AGBL1: variants seen among roughly 807,000 people sequenced by gnomAD.
AGBL1 encodes the protein cytosolic carboxypeptidase 4.
AGBL1 carries 130 observed loss-of-function variants against 118.9 expected under a neutral mutation model. The observed-to-expected ratio is 1.09, with a 90% confidence interval of 0.95 to 1.26. The LOEUF (loss-of-function observed/expected upper bound fraction) is 1.26, where lower values mean the gene tolerates loss of function less well. AGBL1 is among the 50% of genes most tolerant of loss of function. The pLI, the probability that AGBL1 is intolerant of heterozygous loss-of-function variation, is 0.00. For missense variants in AGBL1, 1,584 were observed against 1,298.1 expected (o/e 1.22, Z -3.38); for synonymous variants, 555 against 478.9 (o/e 1.16, Z -2.08).
intron 5 of AGBL1, among the ~76,000 whole-genome samples, chr15:86,174,084 G>A (rs2077450726): frequency 6.6e-6 from 1 of 152,020 alleles, no homozygotes; most frequent in South Asian, 2.1e-4. Context: ...CAATCCATGA[G>A]CATGGGTGTC....
At chr15:86,817,634 C>CAG (rs2078883168) in intron 22 of AGBL1, among the ~76,000 whole-genome samples, 2 of 146,030 alleles carry the variant, frequency 1.4e-5, no homozygotes, top group Non-Finnish European at 3.0e-5. Flanking sequence ...CATACACACA[C>CAG]ACACACACAC....
chr15:87,003,641 G>T (rs2081465358), intron 24 of AGBL1, among the ~76,000 whole-genome samples: 1 of 152,040 alleles, frequency 6.6e-6, no homozygotes, highest in African/African-American at 2.4e-5. Flanking sequence ...ATTAATTATT[G>T]ACTCAATTTC....
rs980505881 is a variant in AGBL1, at chr15:86,666,035, T to A, written c.2995-8238T>A. On this transcript the variant is annotated intron_variant, in intron 21 of 22. Transcript: ENST00000614907. ...AAACCCTCATTAATAGTTTTTACTT[T>A]TTATTCTGGGATATTCTTGCCATGT... 1.3e-4 allele frequency among the ~76,000 whole-genome samples: 20 copies of A among 152,284 alleles called. No individual in the cohort carries two copies. In the East Asian group the frequency reaches 3.9e-3, roughly 29 times the overall value.
intron 4 of AGBL1, 39 bp from the exon 5 acceptor site, chr15:86,158,894 C>A: frequency 6.3e-7 from 1 of 1,575,788 alleles, no homozygotes; most frequent in Non-Finnish European, 8.7e-7. Flanking sequence ...TTAACTCATC[C>A]ACTTGTGACC....
chr15:86,203,647 T>C (rs1308885705), intron 5 of AGBL1, among the ~76,000 whole-genome samples: 1 of 152,186 alleles, frequency 6.6e-6, no homozygotes, highest in Non-Finnish European at 1.5e-5. Context: ...CTTTACTCTG[T>C]TTAATCTGTC....
intron 22 of AGBL1, among the ~76,000 whole-genome samples, chr15:86,727,674 A>G (rs2086841192): frequency 6.6e-6 from 1 of 152,222 alleles, no homozygotes; most frequent in Non-Finnish European, 1.5e-5. Context: ...TTTATCTAAT[A>G]ATAATGGGAT....
intron 1 of AGBL1, among the ~76,000 whole-genome samples, chr15:86,122,008 C>T (rs958793838): frequency 2.0e-5 from 3 of 152,196 alleles, no homozygotes; most frequent in African/African-American, 4.8e-5. Context: ...ATTTGCTTTG[C>T]ACAAGGAAGT....
intron 22 of AGBL1, among the ~76,000 whole-genome samples, chr15:86,712,733 A>G (rs929489586): frequency 3.9e-5 from 6 of 152,180 alleles, no homozygotes; most frequent in African/African-American, 1.4e-4. Flanking sequence ...GGAACACAAC[A>G]AGGCATCTGG....
chr15:86,794,348 C>G (rs924362593), intron 22 of AGBL1, among the ~76,000 whole-genome samples: 1 of 152,084 alleles, frequency 6.6e-6, no homozygotes, highest in Non-Finnish European at 1.5e-5. Context: ...AAGCCAATCA[C>G]AGAAGGCCAC....
At chr15:86,738,598 C>A (rs1414049298) in intron 22 of AGBL1, among the ~76,000 whole-genome samples, 1 of 152,122 alleles carries the variant, frequency 6.6e-6, no homozygotes, top group Non-Finnish European at 1.5e-5. Context: ...CTCTCTTCAT[C>A]CGTTACGCAT....
chr15:86,895,348 C>T (rs775772150), intron 22 of AGBL1, among the ~76,000 whole-genome samples: 5 of 151,572 alleles, frequency 3.3e-5, no homozygotes, highest in African/African-American at 7.3e-5. Context: ...AGTATAACCA[C>T]TGTCAGCCTA....
chr15:86,501,169 A>T (rs74595103), intron 18 of AGBL1, among the ~76,000 whole-genome samples: 1,834 of 151,696 alleles, frequency 0.012, 38 homozygotes, highest in African/African-American at 0.042. Flanking sequence ...TCCCTCCAAC[A>T]CTTGTCATTT....
intron 17 of AGBL1, among the ~76,000 whole-genome samples, chr15:86,370,544 C>A (rs969799159): frequency 2.6e-5 from 4 of 152,158 alleles, no homozygotes; most frequent in African/African-American, 9.7e-5. Context: ...ATCCACCCAC[C>A]TCAGCCTCCC....
chr15:86,443,659 G>C (rs1271206308), intron 18 of AGBL1, among the ~76,000 whole-genome samples: 1 of 152,018 alleles, frequency 6.6e-6, no homozygotes, highest in African/African-American at 2.4e-5. Flanking sequence ...CTTTCTATGA[G>C]ATCAACATTT....
At chr15:86,471,239 C>T (rs1013159450) in intron 18 of AGBL1, among the ~76,000 whole-genome samples, 2 of 152,076 alleles carry the variant, frequency 1.3e-5, no homozygotes, top group African/African-American at 4.8e-5. Flanking sequence ...AATTGGTTGA[C>T]TGGTTCTATC....
intron 22 of AGBL1, among the ~76,000 whole-genome samples, chr15:86,890,776 G>GT (rs2080041819): frequency 6.6e-6 from 1 of 152,192 alleles, no homozygotes; most frequent in Non-Finnish European, 1.5e-5. Flanking sequence ...GTACCATGCT[G>GT]TTGTGGTTAC....
At chr15:86,281,418 A>G (rs2079352262) in intron 16 of AGBL1, among the ~76,000 whole-genome samples, 1 of 152,148 alleles carries the variant, frequency 6.6e-6, no homozygotes, top group Non-Finnish European at 1.5e-5. Context: ...AGAAAAGAAA[A>G]AAAAAGTCTG....
chr15:86,799,260 G>A (rs1218637834), intron 22 of AGBL1, among the ~76,000 whole-genome samples: 1 of 152,068 alleles, frequency 6.6e-6, no homozygotes, highest in African/African-American at 2.4e-5. Flanking sequence ...CATGTGCCAT[G>A]CTGGTGTGCT....
At position 86,695,573 on chromosome 15, in the gene AGBL1, A is replaced by AT. The variant is rs913751678; in HGVS notation, c.3158+21144dup. On this transcript the variant is annotated intron_variant, in intron 22 of 22. Coordinates refer to ENST00000614907, the MANE Select transcript of AGBL1 (RefSeq NM_001386094.1). The stretch of plus-strand genomic sequence containing the variant: ...TTTGTTTCATTTATTTTTGTATTGT[A>AT]TTTTTTTGTTTCAATTCATTTAGTT... Among the ~76,000 whole-genome samples the AT allele has an allele frequency of 2.7e-5, 4 of 150,736 alleles. No homozygotes were observed. In the South Asian group the frequency reaches 6.3e-4, roughly 24 times the overall value.
Sources: gnomAD v4.1 joint callset for allele counts (sites outside exome capture counted in the v4.1 genomes callset) on GRCh38, gnomAD v4.1.1 for gene constraint, MANE v1.5 for transcripts, NCBI Gene and HGNC (gene_info 2026-07-23, HGNC 2026-07-21) for gene names.